NRAP: variants seen among roughly 807,000 people sequenced by gnomAD.
NRAP encodes the protein nebulin related anchoring protein.
Under a neutral mutation model 225.9 loss-of-function variants are expected in NRAP, and 189 were observed. That is an observed-to-expected ratio of 0.84 (90% CI 0.74 to 0.94). NRAP has a LOEUF of 0.94. Among genes scored for constraint, NRAP ranks in the 40% least tolerant of loss-of-function variants. The pLI is 0.00. For missense variants in NRAP, 2,176 were observed against 2,168.7 expected (o/e 1.00, Z -0.07); for synonymous variants, 769 against 790.7 (o/e 0.97, Z 0.46).
At chr10:113,624,754 TG>T in intron 22 of NRAP, 71 bp downstream of exon 22, 1 of 1,018,412 alleles carries the variant, frequency 9.8e-7, no homozygotes, top group Non-Finnish European at 1.5e-6. Flanking sequence ...CCATGGCTGG[TG>T]GGCTTGGTTT....
At chr10:113,603,316 G>T (rs1846722470) in intron 35 of NRAP, among the ~76,000 whole-genome samples, 1 of 152,094 alleles carries the variant, frequency 6.6e-6, no homozygotes, top group African/African-American at 2.4e-5. Context: ...TGTGGGAGGG[G>T]CCAGTGCTCT....
chr10:113,653,067 A>G (rs761752974), intron 5 of NRAP, 28 bp from the exon 6 acceptor site: 11 of 1,269,542 alleles, frequency 8.7e-6, no homozygotes, highest in Non-Finnish European at 1.1e-5. Context: ...TGTCAGCATG[A>G]GAACTGAGAT....
intron 6 of NRAP, among the ~76,000 whole-genome samples, chr10:113,652,124 A>G (rs1399111624): frequency 2.6e-5 from 4 of 152,048 alleles, no homozygotes; most frequent in Non-Finnish European, 5.9e-5. Flanking sequence ...TCCAACAAAT[A>G]TTAACTTGCT....
intron 16 of NRAP, 34 bp downstream of exon 16, chr10:113,633,050 C>G (rs375518555): frequency 9.4e-7 from 1 of 1,060,648 alleles, no homozygotes; most frequent in Non-Finnish European, 1.5e-6. Flanking sequence ...CGCTCTATAA[C>G]CCCCTCCACC....
At chr10:113,597,737 G>A (rs902624490) in intron 36 of NRAP, among the ~76,000 whole-genome samples, 1 of 152,224 alleles carries the variant, frequency 6.6e-6, no homozygotes, top group African/African-American at 2.4e-5. Flanking sequence ...TGTACAAAAT[G>A]TATTTGTTGA....
rs563650692 is a variant in NRAP, at chr10:113,593,422, G to A, written c.4537-1121C>T. On this transcript the variant is annotated intron_variant, in intron 38 of 41. Coordinates refer to ENST00000359988, the MANE Select transcript of NRAP (RefSeq NM_198060.4). ...ACAAAGTGCTTGGGCCAAGCATGGC[G>A]GATCTCATCATTTCTCTGTACTGCA... Among the ~76,000 whole-genome samples the A allele has an allele frequency of 4.6e-5, 7 of 152,260 alleles. No homozygotes were observed. In the East Asian group the frequency reaches 7.7e-4, roughly 17 times the overall value.
chr10:113,600,485 A>G (rs1163074916), intron 35 of NRAP, among the ~76,000 whole-genome samples: 2 of 152,158 alleles, frequency 1.3e-5, no homozygotes, highest in African/African-American at 4.8e-5. Context: ...AGCCTAAGGA[A>G]CAGTTATTCC....
Position 113,641,348 on chromosome 10 carries a change from G to A in NRAP, c.1323+17C>T, listed in dbSNP as rs765740312. On this transcript the variant is annotated intron_variant, in intron 13 of 41. Transcript: ENST00000359988. Reference sequence around the variant, plus strand: ...GCCCCACTCCATCCCAACAGACCCTGGCATAAAAGGACTCACGTTGCTTGC... The same window carrying A: ...GCCCCACTCCATCCCAACAGACCCTAGCATAAAAGGACTCACGTTGCTTGC... The A allele has an allele frequency of 3.1e-5, 48 of 1,532,236 alleles. No homozygotes were observed. Among genetic ancestry groups the A allele is most frequent in the Admixed American group, 2.7e-4 (16 of 59,634 alleles). The allele number at this position is 1,532,236 out of a possible 1,614,324, so 94.9% of individuals were successfully genotyped here. A position where few individuals can be genotyped will look rare whatever the true frequency, so the allele number is the denominator to read the frequency against.
intron 32 of NRAP, 93 bp downstream of exon 32, chr10:113,608,321 C>G (rs999071449): frequency 5.3e-6 from 4 of 747,852 alleles, no homozygotes; most frequent in African/African-American, 1.7e-5. Context: ...CATAAACACC[C>G]ATGCTCTTTC....
rs574288055 is a variant in NRAP at position 113,604,006 on chromosome 10, C to A, written c.4227+603G>T. Among the ~76,000 whole-genome samples the A allele has an allele frequency of 3.9e-5, 6 of 152,316 alleles. No individual in the cohort carries two copies. The South Asian group carries it at 6.2e-4, about 16-fold the overall frequency. On this transcript the variant is annotated intron_variant, in intron 35 of 41. Coordinates refer to ENST00000359988, the MANE Select transcript of NRAP (RefSeq NM_198060.4). ...ATTTCATGTATTCACCATGGCTTAT[C>A]TCCCTCTAGTATAACAGGAGTTTCC...
intron 34 of NRAP, 66 bp downstream of exon 34, chr10:113,605,696 T>C (rs2900987): frequency 7.0e-5 from 74 of 1,060,068 alleles, no homozygotes; most frequent in East Asian, 1.7e-4. Flanking sequence ...AAATCAGCCG[T>C]AGACATTGTT....
chr10:113,652,759 C>T (rs988622336), intron 6 of NRAP, among the ~76,000 whole-genome samples, 176 bp downstream of exon 6: 3 of 152,150 alleles, frequency 2.0e-5, no homozygotes, highest in Non-Finnish European at 2.9e-5. Flanking sequence ...ATGGTCCAAT[C>T]ACAGCACAGA....
At chr10:113,639,626 G>A (rs1031507912) in intron 14 of NRAP, among the ~76,000 whole-genome samples, 4 of 151,982 alleles carry the variant, frequency 2.6e-5, no homozygotes, top group East Asian at 1.9e-4. Flanking sequence ...GCACTTTTCC[G>A]TATTTTCTAA....
In NRAP at chr10:113,651,855, A is replaced by G. The variant is rs2154028; in HGVS notation, c.623T>C (p.Val208Ala). 0.89 allele frequency: 1,438,788 copies of G among 1,611,652 alleles called. 642,964 individuals carry two copies. Among genetic ancestry groups the G allele is most frequent in the Admixed American group, 0.92 (55,343 of 59,972 alleles). The change falls in exon 7 of 42, where the codon GTG becomes GCG. Residue 208 changes from valine to alanine, a missense_variant. By Grantham distance (64) the Val-to-Ala change is moderately conservative. Around this residue, in one of 3 missense-constraint regions of NRAP, gnomAD observed 1,708 missense variants for 1,695.5 expected, o/e 1.01. Coordinates refer to ENST00000359988, the MANE Select transcript of NRAP (RefSeq NM_198060.4). ...DERISRFSTV[V>A]DTPELLRSKA... ...GCTCCGTAGCAGCTCAGGAGTATCC[A>G]CCACCGTGGAGAACCTGGAGATGCG... is the stretch of plus-strand genomic sequence containing the variant.
At chr10:113,590,296 G>T (rs1318623903) in intron 40 of NRAP, among the ~76,000 whole-genome samples, 1 of 152,200 alleles carries the variant, frequency 6.6e-6, no homozygotes. Flanking sequence ...ACCTCTCTGA[G>T]CCTCAAGTTC....
intron 25 of NRAP, among the ~76,000 whole-genome samples, chr10:113,618,957 A>C (rs1448339941): frequency 6.6e-6 from 1 of 152,132 alleles, no homozygotes; most frequent in African/African-American, 2.4e-5. Context: ...AAAATAAATA[A>C]GTAAAATAAA....
chr10:113,596,833 A>G (rs1846306954), intron 37 of NRAP, among the ~76,000 whole-genome samples: 1 of 152,196 alleles, frequency 6.6e-6, no homozygotes, highest in African/African-American at 2.4e-5. Context: ...ATCTTATGAA[A>G]TGGTTGCTAT....
chr10:113,662,606 C>G (rs1850749005), intron 3 of NRAP, 73 bp downstream of exon 3: 17 of 865,570 alleles, frequency 2.0e-5, no homozygotes, highest in Non-Finnish European at 3.0e-5. Flanking sequence ...TTCCTTTTAT[C>G]TATTTGCATG....
intron 3 of NRAP, among the ~76,000 whole-genome samples, chr10:113,660,471 G>T (rs1020461587): frequency 2.6e-5 from 4 of 152,132 alleles, no homozygotes; most frequent in Non-Finnish European, 5.9e-5. Flanking sequence ...ATCACTGTCT[G>T]TGGCTGGAAA....
Sources: allele counts gnomAD v4.1 joint callset (sites outside exome capture counted in the v4.1 genomes callset), GRCh38; gene constraint gnomAD v4.1.1; regional missense constraint gnomAD v4.1.1; transcripts MANE v1.5; gene names NCBI Gene and HGNC (gene_info 2026-07-23, HGNC 2026-07-21).